The following PDGFD variants were observed in gnomAD, a reference collection of about 807,000 sequenced individuals.
The protein encoded by PDGFD is platelet-derived growth factor D.
Under a neutral mutation model 44.7 loss-of-function variants are expected in PDGFD, and 30 were observed. That is an observed-to-expected ratio of 0.67 (90% confidence interval 0.50 to 0.91). The LOEUF is 0.91. Among genes scored for constraint, PDGFD ranks in the 40% least tolerant of loss-of-function variants. The probability of loss-of-function intolerance (pLI) is 0.00; values close to 1 mark genes in which losing one functional copy is unlikely to be tolerated. For missense variants in PDGFD, 445 were observed against 457.8 expected, an observed-to-expected ratio of 0.97 and a Z score of 0.25; for synonymous variants, 173 against 168.4, an observed-to-expected ratio of 1.03 and a Z score of -0.21.
chr11:104,131,801 TAAAAAAAAA>T (rs55959221), intron 1 of PDGFD, among the ~76,000 whole-genome samples: 3 of 70,960 alleles, frequency 4.2e-5, no homozygotes, highest in South Asian at 6.3e-4. Context: ...CAATGAACTG[TAAAAAAAAA>T]AAAAAAAAAA....
intron 1 of PDGFD, among the ~76,000 whole-genome samples, chr11:104,085,544 T>G (rs1861117381): frequency 6.6e-6 from 1 of 152,156 alleles, no homozygotes; most frequent in African/African-American, 2.4e-5. Context: ...TATAGACATT[T>G]TCCACGTTAG....
At chr11:104,160,300 T>A (rs1202954204) in intron 1 of PDGFD, among the ~76,000 whole-genome samples, 1 of 152,212 alleles carries the variant, frequency 6.6e-6, no homozygotes, top group Admixed American at 6.5e-5. Flanking sequence ...CACCAACACC[T>A]GTACTTTCTA....
chr11:103,919,968 G>C (rs920938222), intron 6 of PDGFD, among the ~76,000 whole-genome samples: 25 of 152,148 alleles, frequency 1.6e-4, no homozygotes, highest in African/African-American at 5.8e-4. Flanking sequence ...TGAAACCTAA[G>C]TGACTACAAG....
chr11:103,962,705 T>C (rs909115308), intron 3 of PDGFD, among the ~76,000 whole-genome samples: 3 of 152,202 alleles, frequency 2.0e-5, no homozygotes, highest in Non-Finnish European at 2.9e-5. Flanking sequence ...ACACCGACTG[T>C]GTGACCTTAG....
At chr11:104,052,024 G>C (rs1019044770) in intron 1 of PDGFD, among the ~76,000 whole-genome samples, 1 of 151,920 alleles carries the variant, frequency 6.6e-6, no homozygotes, top group African/African-American at 2.4e-5. Context: ...CACATTCCCC[G>C]TTCCTCCTTG....
Position 103,909,753 on chromosome 11 carries a change from T to G in PDGFD, c.1054A>C (p.Ile352Leu). 6.2e-7 allele frequency: 1 copy of G among 1,614,058 alleles called. No individual in the cohort carries two copies. The highest frequency in any genetic ancestry group is 8.5e-7 in the Non-Finnish European group (1 of 1,179,872). ...CATCGTTCATGGTGATCCAACTGGA[T>G]GTCAACTAGAGCCATGGTCTTAGCT... ...GRAKTMALVDIQLDHHERCDC... is the reference protein window; with the variant it reads ...GRAKTMALVDLQLDHHERCDC... The change falls in exon 7 of 7, where the codon ATC (isoleucine) becomes CTC (leucine). Residue 352 changes from isoleucine to leucine, a missense_variant. Ile to Leu is a conservative substitution (Grantham distance 5, BLOSUM62 2). Transcript: ENST00000393158.
intron 2 of PDGFD, among the ~76,000 whole-genome samples, chr11:103,998,428 C>G (rs1392360580): frequency 6.6e-6 from 1 of 152,248 alleles, no homozygotes; most frequent in African/African-American, 2.4e-5. Flanking sequence ...ATTAATCGTG[C>G]CTTCACAATG....
chr11:104,064,733 T>G (rs987558019), intron 1 of PDGFD, among the ~76,000 whole-genome samples: 3 of 152,238 alleles, frequency 2.0e-5, no homozygotes, highest in Non-Finnish European at 4.4e-5. Context: ...TACTCTACTT[T>G]CACATTTAAT....
chr11:104,108,855 G>A (rs921090783), intron 1 of PDGFD, among the ~76,000 whole-genome samples: 1 of 152,128 alleles, frequency 6.6e-6, no homozygotes, highest in Non-Finnish European at 1.5e-5. Flanking sequence ...TATACACCAT[G>A]GAATACTATG....
At chr11:103,909,859 A>G in intron 6 of PDGFD, 40 bp from the exon 7 acceptor site, 1 of 1,612,710 alleles carries the variant, frequency 6.2e-7, no homozygotes, top group Non-Finnish European at 8.5e-7. Context: ...AAGCCTTTGG[A>G]GTTCAACTCA....
At chr11:104,033,624 T>G (rs565556540) in intron 1 of PDGFD, among the ~76,000 whole-genome samples, 1 of 152,292 alleles carries the variant, frequency 6.6e-6, no homozygotes, top group Non-Finnish European at 1.5e-5. Flanking sequence ...AAAGGAAGCT[T>G]ATTCTACAAA....
intron 1 of PDGFD, among the ~76,000 whole-genome samples, chr11:104,002,202 G>T (rs779131416): frequency 1.3e-5 from 2 of 152,106 alleles, no homozygotes; most frequent in Non-Finnish European, 2.9e-5. Context: ...GCGAAAACTG[G>T]TGTCTGCTCA....
intron 1 of PDGFD, among the ~76,000 whole-genome samples, chr11:104,102,945 G>C (rs926073408): frequency 3.9e-5 from 6 of 152,116 alleles, no homozygotes; most frequent in African/African-American, 1.4e-4. Flanking sequence ...GGGGGAGAGG[G>C]GAGGGATAGC....
chr11:104,076,641 AACT>A (rs1378158345), intron 1 of PDGFD, among the ~76,000 whole-genome samples: 7 of 152,222 alleles, frequency 4.6e-5, no homozygotes, highest in African/African-American at 1.7e-4. Context: ...CACATCCAGT[AACT>A]GTGACACATT....
chr11:104,156,223 T>A (rs1005956620), intron 1 of PDGFD, among the ~76,000 whole-genome samples: 2 of 152,148 alleles, frequency 1.3e-5, no homozygotes, highest in Non-Finnish European at 2.9e-5. Context: ...CATGGTGGCA[T>A]GTGCCTGCCG....
chr11:103,982,535 C>T (rs1308449157), intron 3 of PDGFD, among the ~76,000 whole-genome samples: 10 of 151,510 alleles, frequency 6.6e-5, no homozygotes, highest in Non-Finnish European at 1.3e-4. Context: ...CTCATCACTC[C>T]GATTCAATAT....
intron 1 of PDGFD, among the ~76,000 whole-genome samples, chr11:104,013,976 G>A (rs1859823196): frequency 6.6e-6 from 1 of 151,934 alleles, no homozygotes; most frequent in African/African-American, 2.4e-5. Flanking sequence ...TAGCAACTAG[G>A]TTTTATTCAG....
chr11:104,115,516 T>C (rs990240524), intron 1 of PDGFD, among the ~76,000 whole-genome samples: 5 of 151,944 alleles, frequency 3.3e-5, no homozygotes, highest in African/African-American at 1.2e-4. Flanking sequence ...AAGCATCTTT[T>C]TCATATAATG....
intron 3 of PDGFD, among the ~76,000 whole-genome samples, chr11:103,960,173 A>G (rs1858914272): frequency 6.6e-6 from 1 of 152,182 alleles, no homozygotes; most frequent in Non-Finnish European, 1.5e-5. Flanking sequence ...CATCCAAACC[A>G]AATACAATTA....
Sources: gnomAD v4.1 joint callset for allele counts (sites outside exome capture counted in the v4.1 genomes callset) on GRCh38, gnomAD v4.1.1 for gene constraint, MANE v1.5 for transcripts, NCBI Gene and HGNC (gene_info 2026-07-23, HGNC 2026-07-21) for gene names.